The following HSDL2 variants were observed in gnomAD, a reference collection of about 807,000 sequenced individuals.
HSDL2 encodes hydroxysteroid dehydrogenase like 2, also known as hydroxysteroid dehydrogenase-like protein 2.
HSDL2 carries 27 observed loss-of-function variants against 46.3 expected under a neutral mutation model. That is an observed-to-expected ratio of 0.58 (90% CI 0.43 to 0.80). HSDL2 has a LOEUF of 0.80. Ranked by LOEUF, HSDL2 falls within the 30% of genes least tolerant of loss-of-function variation. The pLI is 0.00. For synonymous variants in HSDL2, 153 were observed against 163.6 expected, an observed-to-expected ratio of 0.94 and a Z score of 0.50; for missense variants, 451 against 502.7, an observed-to-expected ratio of 0.90 and a Z score of 0.98.
intron 6 of HSDL2, among the ~76,000 whole-genome samples, chr9:112,420,303 G>T (rs1221667128): frequency 6.6e-6 from 1 of 152,154 alleles, no homozygotes; most frequent in Non-Finnish European, 1.5e-5. Flanking sequence ...AACAGAGCAA[G>T]ACCCTGTCTC....
intron 6 of HSDL2, among the ~76,000 whole-genome samples, chr9:112,429,274 G>C (rs1832328406): frequency 6.6e-6 from 1 of 152,150 alleles, no homozygotes; most frequent in South Asian, 2.1e-4. Context: ...GCACTATTCA[G>C]TTGTTATGCA....
chr9:112,451,131 A>T (rs1832877125), intron 8 of HSDL2, among the ~76,000 whole-genome samples: 1 of 152,096 alleles, frequency 6.6e-6, no homozygotes, highest in African/African-American at 2.4e-5. Context: ...GCTGCAGTGA[A>T]CCTTGACTGT....
At position 112,408,962 on chromosome 9, in the gene HSDL2, C is replaced by T; in HGVS notation, c.336C>T (p.Asp112=). ...ASAISLTNTL[D]TPTKRLDLMM... Reference sequence around the variant, plus strand: ...CCATTAGTTTGACCAATACATTGGACACACCTACCAAGAGATTGGATCTGA... The same window carrying T: ...CCATTAGTTTGACCAATACATTGGATACACCTACCAAGAGATTGGATCTGA... Residue 112 remains aspartate (D), a synonymous_variant, in exon 4 of 11, where the codon GAC becomes GAT. Transcript: ENST00000398805. The T allele has an allele frequency of 4.4e-6, 7 of 1,608,568 alleles. No individual in the cohort carries two copies. The highest frequency in any genetic ancestry group is 6.0e-6 in the Non-Finnish European group (7 of 1,176,430).
intron 1 of HSDL2, among the ~76,000 whole-genome samples, chr9:112,390,096 AT>A (rs1283493375): frequency 6.6e-6 from 1 of 151,172 alleles, no homozygotes; most frequent in African/African-American, 2.4e-5. Context: ...AAATAAATAA[AT>A]AAAGTAAAAA....
chr9:112,447,706 T>C lies in HSDL2; in HGVS notation c.865+5936T>C, dbSNP rs571046655. Among the ~76,000 whole-genome samples, 410 of 152,250 alleles carry C rather than the reference T, an allele frequency of 2.7e-3. 2 individuals are homozygous for C. Among genetic ancestry groups the C allele is most frequent in the African/African-American group, 9.4e-3 (391 of 41,538 alleles). The stretch of plus-strand genomic sequence containing the variant: ...TATGTTGGCTATATAAAAAATCAAA[T>C]TGCTAAACATAGAAGGAAATGTGGA... On this transcript the variant is annotated intron_variant, in intron 8 of 10. Transcript: ENST00000398805.
intron 1 of HSDL2, among the ~76,000 whole-genome samples, chr9:112,403,411 G>A (rs1831652456): frequency 6.6e-6 from 1 of 152,224 alleles, no homozygotes; most frequent in Non-Finnish European, 1.5e-5. Flanking sequence ...GCTCATAGCA[G>A]TACTTTATTG....
At position 112,425,882 on chromosome 9, in the gene HSDL2, C is replaced by G. The variant is rs141575151; in HGVS notation, c.598+6924C>G. Among the ~76,000 whole-genome samples, 41 of 151,154 alleles carry G rather than the reference C, an allele frequency of 2.7e-4. No homozygotes were observed. The East Asian group carries it at 7.6e-3, about 28-fold the overall frequency. ...AGCTAGAACCACAGGTGCATACCACCATGCCCAGCTAGTTTTTCAGTTTTT... is the reference window on the plus strand; with the variant it reads ...AGCTAGAACCACAGGTGCATACCACGATGCCCAGCTAGTTTTTCAGTTTTT... On this transcript the variant is annotated intron_variant, in intron 6 of 10. Coordinates refer to ENST00000398805, the MANE Select transcript of HSDL2 (RefSeq NM_032303.5).
chr9:112,409,132 A>T (rs1490710293), intron 4 of HSDL2, 111 bp downstream of exon 4: 3 of 619,400 alleles, frequency 4.8e-6, no homozygotes, highest in Non-Finnish European at 8.7e-6. Flanking sequence ...AAATCTAGTC[A>T]ATCCTTATAA....
chr9:112,407,398 T>C (rs1036299969), intron 3 of HSDL2, among the ~76,000 whole-genome samples: 2 of 151,860 alleles, frequency 1.3e-5, no homozygotes, highest in Non-Finnish European at 2.9e-5. Flanking sequence ...CATTCTCCCA[T>C]ATTCATTCAG....
chr9:112,386,299 T>C (rs1203538027), intron 1 of HSDL2, among the ~76,000 whole-genome samples: 2 of 152,168 alleles, frequency 1.3e-5, no homozygotes, highest in Non-Finnish European at 2.9e-5. Flanking sequence ...TTCTTCTGAC[T>C]GAAGTGTAAC....
At chr9:112,402,306 T>G (rs770733535) in intron 1 of HSDL2, among the ~76,000 whole-genome samples, 1 of 152,110 alleles carries the variant, frequency 6.6e-6, no homozygotes, top group Non-Finnish European at 1.5e-5. Context: ...GTGAACTTAA[T>G]GAAATGGGGG....
intron 1 of HSDL2, among the ~76,000 whole-genome samples, chr9:112,384,457 A>G (rs1449911668): frequency 6.6e-6 from 1 of 152,170 alleles, no homozygotes; most frequent in Non-Finnish European, 1.5e-5. Flanking sequence ...CTGGGAATCA[A>G]TCAAGCTATA....
intron 6 of HSDL2, chr9:112,433,710 C>A (rs1428917797): frequency 6.6e-6 from 1 of 152,114 alleles, no homozygotes; most frequent in African/African-American, 2.4e-5. Flanking sequence ...TTTGAGAGGC[C>A]TCTATTTAAA....
rs549623462 is a variant in HSDL2 at position 112,441,758 on chromosome 9, G to A, written c.853G>A (p.Val285Met). The A allele has an allele frequency of 5.0e-6, 8 of 1,601,058 alleles. No individual in the cohort carries two copies. The African/African-American group carries it at 8.0e-5, about 16-fold the overall frequency. The stretch of plus-strand genomic sequence containing the variant: ...ATACCCAGAAGCAGTTAGCAAGAAA[G>A]TGGAATCAACTGGTAAGATCTAGAC... Reference protein sequence around the residue: ...DEYPEAVSKKVESTGAVPEFK... With the variant: ...DEYPEAVSKKMESTGAVPEFK... The change falls in exon 8 of 11, where the codon GTG (valine) becomes ATG (methionine). Residue 285 changes from valine to methionine, a missense_variant. Transcript: ENST00000398805.
At chr9:112,414,022 G>A in intron 4 of HSDL2, 1 of 233,240 alleles carries the variant, frequency 4.3e-6, no homozygotes, top group Non-Finnish European at 8.6e-6. Context: ...GGTAACTTGT[G>A]GAATGCTGAG....
At chr9:112,382,020 T>TG (rs1483297566) in intron 1 of HSDL2, among the ~76,000 whole-genome samples, 3 of 152,216 alleles carry the variant, frequency 2.0e-5, no homozygotes, top group Non-Finnish European at 4.4e-5. Context: ...GGCGGATCAC[T>TG]GGAGGTCAAG....
At chr9:112,439,299 A>G (rs1832593427) in intron 7 of HSDL2, among the ~76,000 whole-genome samples, 1 of 152,174 alleles carries the variant, frequency 6.6e-6, no homozygotes, top group South Asian at 2.1e-4. Context: ...CACCTGGCAC[A>G]GTAATGAATT....
At chr9:112,412,923 G>C (rs1198770589) in intron 4 of HSDL2, among the ~76,000 whole-genome samples, 3 of 151,454 alleles carry the variant, frequency 2.0e-5, no homozygotes, top group Non-Finnish European at 4.4e-5. Context: ...GGGCAACATA[G>C]TGAACCCTGT....
At chr9:112,455,101 C>T (rs544442988) in intron 9 of HSDL2, among the ~76,000 whole-genome samples, 9 of 152,026 alleles carry the variant, frequency 5.9e-5, no homozygotes, top group South Asian at 2.1e-4. Flanking sequence ...GGGATGGTGG[C>T]GTGCAGCTGT....
Sources: allele counts gnomAD v4.1 joint callset (sites outside exome capture counted in the v4.1 genomes callset), GRCh38; gene constraint gnomAD v4.1.1; transcripts MANE v1.5; gene names NCBI Gene and HGNC (gene_info 2026-07-23, HGNC 2026-07-21).